The following STK35 variants were observed in gnomAD, a reference collection of about 807,000 sequenced individuals.
The protein encoded by STK35 is serine/threonine-protein kinase 35.
A neutral mutation model predicts 37.3 loss-of-function variants in STK35; 17 were observed. The ratio of observed to expected loss-of-function variants is 0.46; its 90% CI spans 0.31 to 0.68. STK35 has a LOEUF of 0.68. Among genes scored for constraint, STK35 ranks in the 30% least tolerant of loss-of-function variants. The pLI is 0.05. For missense variants in STK35, 595 were observed against 746.7 expected, an observed-to-expected ratio of 0.80 and a Z score of 2.37; for synonymous variants, 385 against 319.1, an observed-to-expected ratio of 1.21 and a Z score of -2.20.
chr20:2,112,249 G>A (rs1335303603), intron 2 of STK35, among the ~76,000 whole-genome samples: 2 of 152,156 alleles, frequency 1.3e-5, no homozygotes, highest in Non-Finnish European at 2.9e-5. Flanking sequence ...GAGCCTGCTG[G>A]CCTCACGTTT....
At chr20:2,102,320 C>T (rs1277501155) in intron 1 of STK35, 145 bp downstream of exon 1, 2 of 1,152,656 alleles carry the variant, frequency 1.7e-6, no homozygotes, top group Non-Finnish European at 2.3e-6. Context: ...TACCCGTCGC[C>T]CTCGGGGACT....
chr20:2,144,221 C>T lies in STK35; in HGVS notation c.*475C>T, dbSNP rs552883939. On this transcript the variant is annotated 3_prime_UTR_variant, in exon 4 of 4. Transcript: ENST00000381482. The stretch of plus-strand genomic sequence containing the variant: ...ACTTCCCTAGAGAAGGCCTGCCTCC[C>T]CATAGGGAATCTGGGGGTTTCTTCT... 3.8e-6 allele frequency: 1 copy of T among 259,852 alleles called. No individual in the cohort carries two copies. Among genetic ancestry groups the T allele is most frequent in the East Asian group, 1.6e-4 (1 of 6,274 alleles). The allele number at this position is 259,852 out of a possible 1,614,324, so 16.1% of individuals were successfully genotyped here. A position where few individuals can be genotyped will look rare whatever the true frequency, so the allele number is the denominator to read the frequency against.
At chr20:2,130,343 T>C (rs1985978137) in intron 3 of STK35, among the ~76,000 whole-genome samples, 1 of 152,234 alleles carries the variant, frequency 6.6e-6, no homozygotes, top group South Asian at 2.1e-4. Context: ...CGTTCATGGC[T>C]GAGTCTTGCT....
At chr20:2,132,269 C>T (rs1319823770) in intron 3 of STK35, among the ~76,000 whole-genome samples, 1 of 152,208 alleles carries the variant, frequency 6.6e-6, no homozygotes, top group Non-Finnish European at 1.5e-5. Context: ...TGGCTTTTGC[C>T]AAAGAAGTAA....
chr20:2,101,862 C>T lies in STK35; in HGVS notation c.-20C>T, dbSNP rs1407616567. The T allele has an allele frequency of 2.1e-6, 3 of 1,407,736 alleles. No individual in the cohort carries two copies. Among genetic ancestry groups the T allele is most frequent in the Admixed American group, 2.7e-5 (1 of 37,324 alleles). 87.2% of individuals were successfully genotyped at this position (1,407,736 alleles called of 1,614,324 possible). On this transcript the variant is annotated 5_prime_UTR_variant, in exon 1 of 4. Transcript: ENST00000381482. ...GCAGGACCGGGCGGTGCAGGGCTCA[C>T]TCGGCTGGCGTCCCGGGGGATGGGC...
At chr20:2,124,694 GTGTT>G (rs1396621069) in intron 3 of STK35, among the ~76,000 whole-genome samples, 2 of 152,172 alleles carry the variant, frequency 1.3e-5, no homozygotes, top group African/African-American at 2.4e-5. Flanking sequence ...AAGAGTCAGA[GTGTT>G]TGGTTCTCTT....
chr20:2,106,181 A>G (rs2122539883), intron 2 of STK35, among the ~76,000 whole-genome samples: 1 of 152,348 alleles, frequency 6.6e-6, no homozygotes, highest in South Asian at 2.1e-4. Flanking sequence ...TCCAAAATTT[A>G]GGGGTCTTGA....
At chr20:2,125,248 C>T (rs887199670) in intron 3 of STK35, among the ~76,000 whole-genome samples, 2 of 152,190 alleles carry the variant, frequency 1.3e-5, no homozygotes, top group African/African-American at 4.8e-5. Context: ...CAGACACTCC[C>T]ACCAACAGCT....
intron 3 of STK35, among the ~76,000 whole-genome samples, chr20:2,136,160 C>T (rs1399641449): frequency 6.6e-6 from 1 of 152,174 alleles, no homozygotes; most frequent in Non-Finnish European, 1.5e-5. Flanking sequence ...TTCAAGGAAC[C>T]CCTCCACGTG....
intron 3 of STK35, among the ~76,000 whole-genome samples, chr20:2,131,017 C>T (rs970677564): frequency 6.6e-6 from 1 of 152,120 alleles, no homozygotes. Flanking sequence ...TAGCAGCTTG[C>T]CGATCATCTT....
Position 2,117,484 on chromosome 20 carries a change from G to GGGGTGCAGC in STK35, c.*37+78_*37+86dup. ...AGGGTCTCACTCTGTTGGTCAGGCT[G>GGGGTGCAGC]GGGTGCAGCGGGTGCAGTGGCAGGA... On this transcript the variant is annotated intron_variant, in intron 3 of 3. Coordinates refer to ENST00000381482, the MANE Select transcript of STK35 (RefSeq NM_080836.4). The surrounding 1 kb of genome is among the most constrained non-coding windows in gnomAD (Gnocchi z 4.4). The GGGGTGCAGC allele has an allele frequency of 1.2e-6, 1 of 856,154 alleles. No homozygotes were observed. 53.0% of individuals were successfully genotyped at this position (856,154 alleles called of 1,614,324 possible). A position where few individuals can be genotyped will look rare whatever the true frequency, so the allele number is the denominator to read the frequency against.
intron 3 of STK35, among the ~76,000 whole-genome samples, chr20:2,126,203 A>G (rs1057137807): frequency 6.6e-6 from 1 of 152,228 alleles, no homozygotes; most frequent in Non-Finnish European, 1.5e-5. Flanking sequence ...TTCTGGAGCC[A>G]AGTCAGATTC....
chr20:2,103,473 T>A, intron 2 of STK35, 108 bp downstream of exon 2: 1 of 1,053,506 alleles, frequency 9.5e-7, no homozygotes, highest in Non-Finnish European at 1.3e-6. Flanking sequence ...ACCTGGTCCC[T>A]GTCACCCTGT....
chr20:2,142,084 A>T (rs1183772907), intron 3 of STK35, among the ~76,000 whole-genome samples: 1 of 152,130 alleles, frequency 6.6e-6, no homozygotes, highest in African/African-American at 2.4e-5. Flanking sequence ...TGTGCGGGGC[A>T]CCCTCACCAG....
intron 3 of STK35, among the ~76,000 whole-genome samples, chr20:2,119,699 T>C (rs768994350): frequency 1.3e-5 from 2 of 152,244 alleles, no homozygotes; most frequent in Non-Finnish European, 2.9e-5. Flanking sequence ...AAGCTGCTCT[T>C]ACGTTGTGCT....
rs1315270807 is a variant in STK35, at chr20:2,103,013, C to T, written c.540C>T (p.Ala180=). The T allele has an allele frequency of 1.7e-5, 25 of 1,430,806 alleles. No individual in the cohort carries two copies. The highest frequency in any genetic ancestry group is 2.3e-5 in the Non-Finnish European group (25 of 1,103,518). 88.6% of individuals were successfully genotyped at this position (1,430,806 alleles called of 1,614,324 possible). The stretch of plus-strand genomic sequence containing the variant: ...CCATGGATCCGGTGGCGGCCGAGGC[C>T]CCGGGCGAGGCCTTCCTGGCGCGGC... ...ARAMDPVAAE[A]PGEAFLARRR... Residue 180 remains alanine, a synonymous_variant, in exon 2 of 4, where the codon GCC becomes GCT. Coordinates refer to ENST00000381482, the MANE Select transcript of STK35 (RefSeq NM_080836.4).
rs1267609069 is a variant in STK35, at chr20:2,102,103, C to G, written c.222C>G (p.Pro74=). 1 of 1,459,630 alleles carries G rather than the reference C, an allele frequency of 6.9e-7. No individual in the cohort carries two copies. Among genetic ancestry groups the G allele is most frequent in the Non-Finnish European group, 9.1e-7 (1 of 1,104,036 alleles). 90.4% of individuals were successfully genotyped at this position (1,459,630 alleles called of 1,614,324 possible). A position where few individuals can be genotyped will look rare whatever the true frequency, so the allele number is the denominator to read the frequency against. The change falls in exon 1 of 4, where the codon CCC becomes CCG. Residue 74 remains proline, a synonymous_variant. Coordinates refer to ENST00000381482, the MANE Select transcript of STK35 (RefSeq NM_080836.4). ...RAARSRRQPG[P]GADHPQAGAP... ...CTCGGTCCCGGAGGCAGCCCGGGCC[C>G]GGAGCGGACCATCCCCAGGCAGGGG...
chr20:2,138,942 G>A (rs1274060611), intron 3 of STK35, among the ~76,000 whole-genome samples: 2 of 152,214 alleles, frequency 1.3e-5, no homozygotes, highest in Non-Finnish European at 2.9e-5. Flanking sequence ...CAGGAGGGTT[G>A]TTGAGCCCAG....
chr20:2,130,617 T>G (rs1442936690), intron 3 of STK35, among the ~76,000 whole-genome samples: 1 of 152,206 alleles, frequency 6.6e-6, no homozygotes, highest in East Asian at 1.9e-4. Context: ...TTATATAACA[T>G]CAGAGTCATG....
Sources: allele counts gnomAD v4.1 joint callset (sites outside exome capture counted in the v4.1 genomes callset), GRCh38; gene constraint gnomAD v4.1.1; non-coding constraint Gnocchi (gnomAD v3.1); transcripts MANE v1.5; gene names NCBI Gene and HGNC (gene_info 2026-07-23, HGNC 2026-07-21).